Variants in PSD3 observed in about 807,000 individuals in gnomAD.
The protein encoded by PSD3 is pleckstrin and Sec7 domain containing 3, also known as PH and SEC7 domain-containing protein 3.
In PSD3, 49 loss-of-function variants were observed where a neutral mutation model predicts 105.5. The ratio of observed to expected loss-of-function variants is 0.46; its 90% confidence interval spans 0.37 to 0.59. The LOEUF is 0.59. PSD3 is among the 20% of genes least tolerant of loss of function. PSD3 has a pLI of 0.00. For synonymous variants in PSD3, 557 were observed against 457.8 expected, an observed-to-expected ratio of 1.22 and a Z score of -2.77; for missense variants, 1,561 against 1,263.8, an observed-to-expected ratio of 1.24 and a Z score of -3.57.
At chr8:18,809,330 T>G (rs1436351506) in intron 4 of PSD3, among the ~76,000 whole-genome samples, 1 of 152,164 alleles carries the variant, frequency 6.6e-6, no homozygotes, top group Non-Finnish European at 1.5e-5. Flanking sequence ...TAGAAAATGC[T>G]TCCCTGGGGC....
At chr8:18,666,041 C>T (rs753448478) in intron 9 of PSD3, among the ~76,000 whole-genome samples, 1 of 152,144 alleles carries the variant, frequency 6.6e-6, no homozygotes, top group East Asian at 1.9e-4. Flanking sequence ...TAATAAACTA[C>T]AGTATAGTGT....
intron 1 of PSD3, among the ~76,000 whole-genome samples, chr8:19,055,636 C>T (rs1382858374): frequency 1.3e-5 from 2 of 152,128 alleles, no homozygotes; most frequent in African/African-American, 2.4e-5. Context: ...GTCAAGATAC[C>T]AAGAATAGGC....
At chr8:19,005,154 G>C (rs1826614214) in intron 1 of PSD3, among the ~76,000 whole-genome samples, 1 of 151,994 alleles carries the variant, frequency 6.6e-6, no homozygotes, top group Admixed American at 6.6e-5. Context: ...TTGTATGCTT[G>C]TGTTCAGAAT....
chr8:18,994,270 T>C (rs1252748705), intron 1 of PSD3, among the ~76,000 whole-genome samples: 1 of 152,088 alleles, frequency 6.6e-6, no homozygotes, highest in Non-Finnish European at 1.5e-5. Context: ...ATTGCTGAAG[T>C]CAATCAACAT....
chr8:18,553,541 C>G (rs1045100370), intron 15 of PSD3, among the ~76,000 whole-genome samples: 4 of 152,146 alleles, frequency 2.6e-5, no homozygotes, highest in African/African-American at 9.7e-5. Context: ...GTTCCAGAAA[C>G]TGGGAAAAAT....
chr8:18,982,323 C>A (rs757421652), intron 1 of PSD3, among the ~76,000 whole-genome samples: 1 of 152,178 alleles, frequency 6.6e-6, no homozygotes, highest in Non-Finnish European at 1.5e-5. Context: ...CCACTGCAGT[C>A]TTGAACTCAC....
In PSD3 at chr8:18,764,584, A is replaced by G. The variant is rs1180493725; in HGVS notation, c.2172+865T>C. On this transcript the variant is annotated intron_variant, in intron 9 of 15. Transcript: ENST00000327040. ...TCCAAATCTGGCAGAACTCTATTCT[A>G]TGTAGCTTAAAGGTTACATAAAACA... Among the ~76,000 whole-genome samples, 9 of 152,306 alleles carry G rather than the reference A, an allele frequency of 5.9e-5. No homozygotes were observed. The East Asian group carries it at 9.6e-4, about 16-fold the overall frequency.
chr8:18,802,903 G>A (rs1452279490), intron 6 of PSD3, among the ~76,000 whole-genome samples: 2 of 152,176 alleles, frequency 1.3e-5, no homozygotes. Flanking sequence ...AGTGGATATT[G>A]TTGCAAACAG....
chr8:18,666,731 T>A (rs376861989), intron 9 of PSD3, among the ~76,000 whole-genome samples: 1 of 123,852 alleles, frequency 8.1e-6, no homozygotes, highest in African/African-American at 3.1e-5. Flanking sequence ...TTTTGGGGGG[T>A]GGGGGGAAGT....
chr8:19,013,766 G>T (rs1239611083), upstream of PSD3: 1 of 263,854 alleles, frequency 3.8e-6, no homozygotes, highest in Non-Finnish European at 6.4e-6. Context: ...CGCGGCAGCC[G>T]CCCGCCCGGC....
intron 4 of PSD3, among the ~76,000 whole-genome samples, chr8:18,828,328 A>C (rs1813396785): frequency 6.6e-6 from 1 of 152,046 alleles, no homozygotes; most frequent in African/African-American, 2.4e-5. Flanking sequence ...CTTCCATTGA[A>C]GGCTTTGTTG....
intron 4 of PSD3, among the ~76,000 whole-genome samples, chr8:18,813,861 A>G (rs1811938715): frequency 6.6e-6 from 1 of 152,134 alleles, no homozygotes; most frequent in Admixed American, 6.5e-5. Flanking sequence ...GGCATGTAAG[A>G]TGTCTGGCAT....
intron 10 of PSD3, among the ~76,000 whole-genome samples, chr8:18,636,371 A>G (rs778876890): frequency 1.3e-5 from 2 of 152,228 alleles, no homozygotes; most frequent in Non-Finnish European, 2.9e-5. Flanking sequence ...CAGCTGTATA[A>G]TGTGTTTTAA....
intron 10 of PSD3, among the ~76,000 whole-genome samples, chr8:18,652,301 G>A (rs1265000989): frequency 6.6e-6 from 1 of 152,056 alleles, no homozygotes; most frequent in Non-Finnish European, 1.5e-5. Flanking sequence ...AGTTTTAAGA[G>A]TGAATTGCAA....
chr8:18,839,465 T>G (rs1356295444), intron 4 of PSD3, among the ~76,000 whole-genome samples: 5 of 152,160 alleles, frequency 3.3e-5, no homozygotes, highest in Admixed American at 3.3e-4. Context: ...CACCTCCCAT[T>G]TGCTTTTCCT....
chr8:19,010,809 C>T (rs11998474), intron 1 of PSD3, among the ~76,000 whole-genome samples: 2,906 of 152,036 alleles, frequency 0.019, 96 homozygotes, highest in African/African-American at 0.066. Context: ...GCTGGTTTAA[C>T]TGTAAAAGAA....
At chr8:18,993,845 G>GAACAATTTGATTATATCA (rs1272567291) in intron 1 of PSD3, among the ~76,000 whole-genome samples, 2 of 132,154 alleles carry the variant, frequency 1.5e-5, no homozygotes, top group African/African-American at 5.4e-5. Context: ...CTGTTTTCCA[G>GAACAATTTGATTATATCA]AACAATTTGA....
chr8:18,539,637 G>T (rs189834898), intron 15 of PSD3, among the ~76,000 whole-genome samples: 1 of 148,246 alleles, frequency 6.7e-6, no homozygotes, highest in African/African-American at 2.5e-5. Flanking sequence ...AACCTCTGCC[G>T]ACTGGGTTCA....
At chr8:18,584,735 G>A (rs1398677044) in intron 12 of PSD3, among the ~76,000 whole-genome samples, 1 of 152,194 alleles carries the variant, frequency 6.6e-6, no homozygotes, top group Non-Finnish European at 1.5e-5. Flanking sequence ...ATGCTCTGCA[G>A]GGCTATGTGG....
Sources: gnomAD v4.1 joint callset for allele counts (sites outside exome capture counted in the v4.1 genomes callset) on GRCh38, gnomAD v4.1.1 for gene constraint, MANE v1.5 for transcripts, NCBI Gene and HGNC (gene_info 2026-07-23, HGNC 2026-07-21) for gene names.